The following NRG3 variants were observed in gnomAD, a reference collection of about 807,000 sequenced individuals.
NRG3 encodes neuregulin 3, also known as pro-neuregulin-3, membrane-bound isoform.
A neutral mutation model predicts 66.9 loss-of-function variants in NRG3; 31 were observed. The ratio of observed to expected loss-of-function variants is 0.46; its 90% CI spans 0.35 to 0.63. The LOEUF is 0.63. Among genes scored for constraint, NRG3 ranks in the 20% least tolerant of loss-of-function variants. The pLI is 0.00. For synonymous variants in NRG3, 393 were observed against 359.4 expected, an observed-to-expected ratio of 1.09 and a Z score of -1.06; for missense variants, 910 against 878.9, an observed-to-expected ratio of 1.04 and a Z score of -0.45.
chr10:82,926,330 G>T (rs1404815852), intron 4 of NRG3, among the ~76,000 whole-genome samples: 2 of 152,196 alleles, frequency 1.3e-5, no homozygotes, highest in African/African-American at 4.8e-5. Context: ...TTCAAGTTTG[G>T]TATCTACAGG....
At chr10:82,447,200 G>A (rs1158779141) in intron 2 of NRG3, among the ~76,000 whole-genome samples, 1 of 152,192 alleles carries the variant, frequency 6.6e-6, no homozygotes, top group Non-Finnish European at 1.5e-5. Flanking sequence ...CCAAATTATG[G>A]TAAATGCAGA....
intron 2 of NRG3, among the ~76,000 whole-genome samples, chr10:82,578,674 G>T (rs914199689): frequency 2.6e-5 from 4 of 151,536 alleles, no homozygotes; most frequent in Non-Finnish European, 5.9e-5. Context: ...AAATAGCTAC[G>T]CTTATTTAAT....
intron 2 of NRG3, among the ~76,000 whole-genome samples, chr10:82,537,161 A>T (rs1396216517): frequency 6.6e-6 from 1 of 151,976 alleles, no homozygotes; most frequent in Non-Finnish European, 1.5e-5. Context: ...CGTGGTCTGT[A>T]AGCTACACTT....
chr10:82,011,954 T>A (rs1220235917), intron 1 of NRG3, among the ~76,000 whole-genome samples: 2 of 152,180 alleles, frequency 1.3e-5, no homozygotes, highest in Non-Finnish European at 2.9e-5. Flanking sequence ...TTCTGGGTTC[T>A]GGAGGATGGT....
intron 2 of NRG3, among the ~76,000 whole-genome samples, chr10:82,465,241 G>T (rs548168650): frequency 1.8e-4 from 27 of 152,310 alleles, no homozygotes; most frequent in Admixed American, 1.6e-3. Context: ...GAGCACATTT[G>T]CAAGAGATTT....
At chr10:82,248,153 G>C (rs17099659) in intron 1 of NRG3, among the ~76,000 whole-genome samples, 21,143 of 152,068 alleles carry the variant, frequency 0.14, 1,565 homozygotes, top group African/African-American at 0.16. Flanking sequence ...CTAACAGGCA[G>C]CAGGGAATTC....
chr10:82,519,676 A>G (rs1044013528), intron 2 of NRG3, among the ~76,000 whole-genome samples: 23 of 152,290 alleles, frequency 1.5e-4, no homozygotes, highest in Middle Eastern at 6.8e-3. Context: ...GCTTAACACA[A>G]TCCTCCTGCT....
At chr10:82,152,770 CCTT>C (rs1345819600) in intron 1 of NRG3, among the ~76,000 whole-genome samples, 3 of 151,518 alleles carry the variant, frequency 2.0e-5, no homozygotes, top group Non-Finnish European at 2.9e-5. Flanking sequence ...TTCCTGCCTT[CCTT>C]CTTCTCCTTC....
chr10:81,929,049 A>G lies in NRG3; in HGVS notation c.823+52886A>G, dbSNP rs188553826. Among the ~76,000 whole-genome samples the G allele has an allele frequency of 1.2e-3, 181 of 152,092 alleles. 1 individual carries two copies. The highest frequency in any genetic ancestry group is 0.01 in the Middle Eastern group (3 of 294). ...TGCTATGTTGCCCAGTCTGTCTTGA[A>G]CTTCTGGGCACGCGCAGTTCTCCCA... On this transcript the variant is annotated intron_variant, in intron 1 of 8. Transcript: ENST00000372141.
At chr10:82,159,295 C>A (rs2071404976) in intron 1 of NRG3, among the ~76,000 whole-genome samples, 1 of 151,888 alleles carries the variant, frequency 6.6e-6, no homozygotes, top group Admixed American at 6.6e-5. Flanking sequence ...CATCATCCAA[C>A]CTCCTGACCA....
chr10:82,129,581 TTATATA>T (rs2068675427), intron 1 of NRG3, among the ~76,000 whole-genome samples: 1 of 152,094 alleles, frequency 6.6e-6, no homozygotes, highest in Non-Finnish European at 1.5e-5. Context: ...TTTCAGTTAT[TTATATA>T]TATTGTTGAG....
At chr10:81,891,884 A>G (rs1357242508) in intron 1 of NRG3, among the ~76,000 whole-genome samples, 1 of 152,128 alleles carries the variant, frequency 6.6e-6, no homozygotes, top group Non-Finnish European at 1.5e-5. Flanking sequence ...ATTTGAGATT[A>G]GAATCTTAGT....
intron 2 of NRG3, among the ~76,000 whole-genome samples, chr10:82,457,462 G>A (rs538028586): frequency 1.0e-3 from 155 of 152,174 alleles, no homozygotes; most frequent in Non-Finnish European, 1.9e-3. Flanking sequence ...GGTAATGCTC[G>A]CTTACCCACC....
intron 2 of NRG3, among the ~76,000 whole-genome samples, chr10:82,533,970 A>G (rs940161036): frequency 6.6e-6 from 1 of 152,208 alleles, no homozygotes; most frequent in African/African-American, 2.4e-5. Flanking sequence ...CTAACAACAA[A>G]CTATCTGAAA....
At chr10:82,061,686 C>A (rs2064148233) in intron 1 of NRG3, among the ~76,000 whole-genome samples, 1 of 152,102 alleles carries the variant, frequency 6.6e-6, no homozygotes. Flanking sequence ...GATGGAGTCA[C>A]ACTGCCTTTA....
At chr10:82,594,247 T>C (rs552192258) in intron 2 of NRG3, among the ~76,000 whole-genome samples, 142 of 152,324 alleles carry the variant, frequency 9.3e-4, no homozygotes, top group Non-Finnish European at 1.7e-3. Context: ...TTTTATTATC[T>C]TTCTGCATAT....
At chr10:82,149,707 G>GTT (rs11345621) in intron 1 of NRG3, among the ~76,000 whole-genome samples, 47 of 141,510 alleles carry the variant, frequency 3.3e-4, no homozygotes, top group African/African-American at 4.3e-4. Flanking sequence ...AGAAAGCTCT[G>GTT]TTTTTTTTTT....
intron 2 of NRG3, among the ~76,000 whole-genome samples, chr10:82,587,573 T>C (rs2046745579): frequency 6.6e-6 from 1 of 152,182 alleles, no homozygotes; most frequent in African/African-American, 2.4e-5. Context: ...CACAAGTCTG[T>C]GGAACAACCA....
At chr10:82,870,461 T>A (rs1450378247) in intron 4 of NRG3, among the ~76,000 whole-genome samples, 3 of 152,196 alleles carry the variant, frequency 2.0e-5, no homozygotes, top group Non-Finnish European at 4.4e-5. Context: ...AAAGCATGAC[T>A]GCTGGGTCAT....
Sources: gnomAD v4.1 joint callset for allele counts (sites outside exome capture counted in the v4.1 genomes callset) on GRCh38, gnomAD v4.1.1 for gene constraint, MANE v1.5 for transcripts, NCBI Gene and HGNC (gene_info 2026-07-23, HGNC 2026-07-21) for gene names.